The following CFAP44 variants were observed in gnomAD, a reference collection of about 807,000 sequenced individuals.
CFAP44 encodes the protein cilia- and flagella-associated protein 44.
A neutral mutation model predicts 216.2 loss-of-function variants in CFAP44; 134 were observed. That is an observed-to-expected ratio of 0.62 (90% confidence interval 0.54 to 0.72). CFAP44 has a LOEUF of 0.72. Ranked by LOEUF, CFAP44 falls within the 30% of genes least tolerant of loss-of-function variation. The pLI is 0.00. For missense variants in CFAP44, 2,035 were observed against 2,182.1 expected, an observed-to-expected ratio of 0.93 and a Z score of 1.34; for synonymous variants, 700 against 727.6, an observed-to-expected ratio of 0.96 and a Z score of 0.61.
intron 15 of CFAP44, among the ~76,000 whole-genome samples, chr3:113,392,770 G>A (rs1576586777): frequency 6.6e-6 from 1 of 152,288 alleles, no homozygotes; most frequent in Non-Finnish European, 1.5e-5. Context: ...CAGGGAAAAT[G>A]AAGTCCAAGA....
chr3:113,345,734 G>A lies in CFAP44; in HGVS notation c.3066-1022C>T, dbSNP rs1254974891. ...TTTCATCAATTGCCTTGTTATTTGG[G>A]GGCATTGGTTCATAATTATCACACA... On this transcript the variant is annotated intron_variant, in intron 22 of 34. Coordinates refer to ENST00000393845, the MANE Select transcript of CFAP44 (RefSeq NM_001164496.2). 2.6e-5 allele frequency among the ~76,000 whole-genome samples: 4 copies of A among 151,876 alleles called. No homozygotes were observed. In the East Asian group the frequency reaches 7.7e-4, roughly 29 times the overall value.
intron 22 of CFAP44, among the ~76,000 whole-genome samples, chr3:113,354,730 A>G (rs963433854): frequency 6.6e-6 from 1 of 152,080 alleles, no homozygotes; most frequent in African/African-American, 2.4e-5. Context: ...AAAGGTCATA[A>G]TATCTTGGGA....
rs1456858354 is a variant in CFAP44 at position 113,395,674 on chromosome 3, C to CT, written c.1890+75dup. On this transcript the variant is annotated intron_variant, in intron 15 of 34. Transcript: ENST00000393845. ...AGGAGTGGGCTAAAAATTCCACCTG[C>CT]TATTTTCTATCTACAAGATAGTTTC... 6.1e-6 allele frequency: 8 copies of CT among 1,314,354 alleles called. No homozygotes were observed. In the East Asian group the frequency reaches 2.0e-4, roughly 32 times the overall value. The allele number at this position is 1,314,354 out of a possible 1,614,324, so 81.4% of individuals were successfully genotyped here.
In CFAP44 at chr3:113,308,283, G is replaced by C; in HGVS notation, c.4517-15C>G. 6.7e-7 allele frequency: 1 copy of C among 1,503,730 alleles called. No homozygotes were observed. 93.1% of individuals were successfully genotyped at this position (1,503,730 alleles called of 1,614,324 possible). A position where few individuals can be genotyped will look rare whatever the true frequency, so the allele number is the denominator to read the frequency against. ...CTCATCTTCATCTATGGAAAGAGGA[G>C]GGCATTGTTAACAAAGAAGCTTCTA... On this transcript the variant is annotated splice_polypyrimidine_tract_variant and intron_variant, in intron 28 of 34. Transcript: ENST00000393845.
At chr3:113,368,936 A>G (rs1284646480) in intron 18 of CFAP44, among the ~76,000 whole-genome samples, 6 of 152,222 alleles carry the variant, frequency 3.9e-5, no homozygotes, top group Non-Finnish European at 7.3e-5. Flanking sequence ...CAGAGGTTGC[A>G]ATCCTAGTCT....
chr3:113,327,797 A>C lies in CFAP44; in HGVS notation c.4139T>G (p.Phe1380Cys). The change falls in exon 27 of 35, where the codon TTC becomes TGC. Residue 1380 changes from phenylalanine to cysteine, a missense_variant. Physicochemically the swap from Phe to Cys is radical, Grantham distance 205. Coordinates refer to ENST00000393845, the MANE Select transcript of CFAP44 (RefSeq NM_001164496.2). ...VNRIKELVVTFDAELRLLRHQ... is the reference protein window; with the variant it reads ...VNRIKELVVTCDAELRLLRHQ... ...TCTAAGGAGACGGAGTTCTGCATCGAAAGTGACAACCAGTTCTTTGATCTG... is the reference window on the plus strand; with the variant it reads ...TCTAAGGAGACGGAGTTCTGCATCGCAAGTGACAACCAGTTCTTTGATCTG... 1 of 1,536,886 alleles carries C rather than the reference A, an allele frequency of 6.5e-7. No homozygotes were observed. The highest frequency in any genetic ancestry group is 8.7e-7 in the Non-Finnish European group (1 of 1,146,650).
rs76023704 is a variant in CFAP44 at position 113,319,263 on chromosome 3, A to C, written c.4516+7182T>G. Among the ~76,000 whole-genome samples, 17 of 152,336 alleles carry C rather than the reference A, an allele frequency of 1.1e-4. No individual in the cohort carries two copies. In the East Asian group the frequency reaches 3.3e-3, roughly 29 times the overall value. ...AAGATCTACCATGTAAATGGAAAAC[A>C]AAAAAAGAGCAGGAGTTGCTATTCT... On this transcript the variant is annotated intron_variant, in intron 28 of 34. Transcript: ENST00000393845.
At chr3:113,314,793 C>T (rs1249445615) in intron 28 of CFAP44, among the ~76,000 whole-genome samples, 1 of 152,046 alleles carries the variant, frequency 6.6e-6, no homozygotes, top group Admixed American at 6.6e-5. Flanking sequence ...TTTTGTACTT[C>T]ACTTAAACTG....
chr3:113,337,975 A>G (rs1950294957), intron 24 of CFAP44, among the ~76,000 whole-genome samples: 1 of 152,054 alleles, frequency 6.6e-6, no homozygotes, highest in Non-Finnish European at 1.5e-5. Context: ...ACTCTCTAAT[A>G]AGGGAGGCCA....
chr3:113,361,393 GA>G (rs1321256849), intron 21 of CFAP44: 4 of 177,230 alleles, frequency 2.3e-5, no homozygotes, highest in African/African-American at 9.6e-5. Flanking sequence ...AAATGCTTAT[GA>G]AATCAAAAAA....
intron 30 of CFAP44, among the ~76,000 whole-genome samples, 175 bp from the exon 31 acceptor site, chr3:113,305,327 T>G (rs1261091742): frequency 1.3e-5 from 2 of 152,246 alleles, no homozygotes; most frequent in African/African-American, 4.8e-5. Flanking sequence ...ATTTTCTTTC[T>G]GCCAAGTTAT....
At chr3:113,397,460 G>A (rs1274599740) in intron 13 of CFAP44, 1 of 152,186 alleles carries the variant, frequency 6.6e-6, no homozygotes, top group Non-Finnish European at 1.5e-5. Flanking sequence ...CCATCAAAGT[G>A]TTTTTAGTTG....
intron 21 of CFAP44, 113 bp from the exon 22 acceptor site, chr3:113,358,988 A>T: frequency 7.8e-7 from 1 of 1,275,910 alleles, no homozygotes; most frequent in Non-Finnish European, 1.0e-6. Flanking sequence ...CAAATATCAT[A>T]AACTCTGTCC....
chr3:113,344,470 A>G (rs1229313318), intron 23 of CFAP44, 46 bp downstream of exon 23: 5 of 1,481,830 alleles, frequency 3.4e-6, no homozygotes, highest in Non-Finnish European at 4.5e-6. Context: ...TTCACTTTTG[A>G]AGTCTTAGTA....
chr3:113,320,612 AGG>A (rs1424439945), intron 28 of CFAP44, among the ~76,000 whole-genome samples: 8 of 149,400 alleles, frequency 5.4e-5, no homozygotes, highest in Non-Finnish European at 8.9e-5. Context: ...TTAAGTATTA[AGG>A]AGTTTATTAA....
intron 18 of CFAP44, among the ~76,000 whole-genome samples, chr3:113,373,028 G>A (rs1027504283): frequency 1.3e-5 from 2 of 152,286 alleles, no homozygotes. Context: ...ATATTGGGTC[G>A]TCAGAAGAAT....
At position 113,290,232 on chromosome 3, in the gene CFAP44, C is replaced by T. The variant is rs1949815763; in HGVS notation, c.*1325G>A. 6.6e-6 allele frequency: 1 copy of T among 151,990 alleles called. No individual in the cohort carries two copies. Among genetic ancestry groups the T allele is most frequent in the East Asian group, 1.9e-4 (1 of 5,194 alleles). 9.4% of individuals were successfully genotyped at this position (151,990 alleles called of 1,614,324 possible). ...CTCTCCAGTAGAGAAGTGACTACAT[C>T]AGAAATTAATGGTGACAAGTGCAAA... On this transcript the variant is annotated 3_prime_UTR_variant, in exon 35 of 35. Coordinates refer to ENST00000393845, the MANE Select transcript of CFAP44 (RefSeq NM_001164496.2).
At chr3:113,310,544 A>T (rs554621284) in intron 28 of CFAP44, among the ~76,000 whole-genome samples, 4 of 152,370 alleles carry the variant, frequency 2.6e-5, no homozygotes, top group African/African-American at 9.6e-5. Flanking sequence ...ATAAGATACA[A>T]AGTCTCATAA....
chr3:113,401,505 T>G, intron 10 of CFAP44, 79 bp downstream of exon 10: 1 of 1,527,212 alleles, frequency 6.5e-7, no homozygotes, highest in South Asian at 1.2e-5. Context: ...AATGGACTTG[T>G]AGCCAAATCA....
Sources: allele counts gnomAD v4.1 joint callset (sites outside exome capture counted in the v4.1 genomes callset), GRCh38; gene constraint gnomAD v4.1.1; transcripts MANE v1.5; gene names NCBI Gene and HGNC (gene_info 2026-07-23, HGNC 2026-07-21).